CACNA1A: variants seen among roughly 807,000 people sequenced by gnomAD.
The protein encoded by CACNA1A is voltage-dependent P/Q-type calcium channel subunit alpha-1A.
In CACNA1A, 57 loss-of-function variants were observed where a neutral mutation model predicts 262.4. The ratio of observed to expected loss-of-function variants is 0.22; its 90% CI spans 0.18 to 0.27. CACNA1A has a LOEUF of 0.27. Among genes scored for constraint, CACNA1A ranks in the 10% least tolerant of loss-of-function variants. CACNA1A has a pLI of 1.00. For synonymous variants in CACNA1A, 1,431 were observed against 1,419.3 expected (o/e 1.01, Z -0.18); for missense variants, 2,526 against 3,562.8 (o/e 0.71, Z 7.41).
At chr19:13,210,336 G>T (rs1363570220) in intron 44 of CACNA1A, among the ~76,000 whole-genome samples, 1 of 152,132 alleles carries the variant, frequency 6.6e-6, no homozygotes, top group African/African-American at 2.4e-5. Flanking sequence ...TGCAGAGTGG[G>T]CCAGGCTCTT....
Position 13,214,909 on chromosome 19 carries a change from A to G in CACNA1A, c.5732-301T>C. On this transcript the variant is annotated intron_variant, in intron 38 of 46. Coordinates refer to ENST00000360228, the MANE Select transcript of CACNA1A (RefSeq NM_001127222.2). This position sits in a 1 kb window ranked among gnomAD's most constrained non-coding sequence, Gnocchi z 4.1. Reference sequence around the variant, plus strand: ...TTGTCTCCCAGTTATCGGCTGCATGACTTAGGTTACTCTACCACTTAGTAA... The same window carrying G: ...TTGTCTCCCAGTTATCGGCTGCATGGCTTAGGTTACTCTACCACTTAGTAA... 4.7e-6 allele frequency: 2 copies of G among 422,226 alleles called. No individual in the cohort carries two copies. The highest frequency in any genetic ancestry group is 8.6e-6 in the Non-Finnish European group (2 of 232,616). 26.2% of individuals were successfully genotyped at this position (422,226 alleles called of 1,614,324 possible). A position where few individuals can be genotyped will look rare whatever the true frequency, so the allele number is the denominator to read the frequency against.
chr19:13,450,121 A>G (rs141179088), intron 3 of CACNA1A, among the ~76,000 whole-genome samples: 2,661 of 139,408 alleles, frequency 0.019, 81 homozygotes, highest in African/African-American at 0.068. Flanking sequence ...AGCCTGGGTG[A>G]CAGAGGGAGA....
chr19:13,467,220 G>A (rs2061262358), intron 1 of CACNA1A, among the ~76,000 whole-genome samples: 1 of 151,976 alleles, frequency 6.6e-6, no homozygotes, highest in African/African-American at 2.4e-5. Flanking sequence ...TGGGGTAAGG[G>A]CTTTTCACCT....
chr19:13,380,104 T>C (rs1264999260), intron 3 of CACNA1A, among the ~76,000 whole-genome samples: 10 of 121,674 alleles, frequency 8.2e-5, no homozygotes, highest in Middle Eastern at 7.6e-3. Flanking sequence ...GCCAATATGG[T>C]GAAAACCCGT....
chr19:13,218,127 A>G (rs1049003995), intron 38 of CACNA1A, among the ~76,000 whole-genome samples: 9 of 151,650 alleles, frequency 5.9e-5, no homozygotes, highest in Non-Finnish European at 1.2e-4. Flanking sequence ...TTTTTGCTCT[A>G]TTGCCCAGGC....
At chr19:13,221,902 T>TTTTTAA (rs2055246270) in intron 38 of CACNA1A, among the ~76,000 whole-genome samples, 1 of 151,912 alleles carries the variant, frequency 6.6e-6, no homozygotes, top group Non-Finnish European at 1.5e-5. Context: ...TTCTCGGTAT[T>TTTTTAA]TTTTATTTTT....
At position 13,464,543 on chromosome 19, in the gene CACNA1A, A is replaced by ATTTTTTTTTTTTTTTTTTTTTTTTT. The variant is rs540418372; in HGVS notation, c.294-9332_294-9331insAAAAAAAAAAAAAAAAAAAAAAAAA. On this transcript the variant is annotated intron_variant, in intron 1 of 46. Coordinates refer to ENST00000360228, the MANE Select transcript of CACNA1A (RefSeq NM_001127222.2). ...CTGCTAATAGTAAATAACTTTTCCAATTTTTTTTTTTTTTTTTTTTTTAGA... is the reference window on the plus strand; with the variant it reads ...CTGCTAATAGTAAATAACTTTTCCAATTTTTTTTTTTTTTTTTTTTTTTTTTTTTTTTTTTTTTTTTTTTTTTAGA... Among the ~76,000 whole-genome samples, 18 of 128,952 alleles carry ATTTTTTTTTTTTTTTTTTTTTTTTT rather than the reference A, an allele frequency of 1.4e-4. 3 individuals carry two copies. Among genetic ancestry groups the ATTTTTTTTTTTTTTTTTTTTTTTTT allele is most frequent in the South Asian group, 4.8e-4 (2 of 4,164 alleles). The allele number at this position is 128,952 out of a possible 152,430, so 84.6% of individuals were successfully genotyped here.
Position 13,261,327 on chromosome 19 carries a change from T to G in CACNA1A, c.4250+123A>C, listed in dbSNP as rs993906064. 3.7e-6 allele frequency: 3 copies of G among 819,200 alleles called. No homozygotes were observed. In the African/African-American group the frequency reaches 5.2e-5, roughly 14 times the overall value. 50.7% of individuals were successfully genotyped at this position (819,200 alleles called of 1,614,324 possible). ...ACCCAAGATCCAAGCTGGTTGCAAC[T>G]GAGTCACTTCCAAGGCTCATCACTT... On this transcript the variant is annotated intron_variant, in intron 26 of 46. Transcript: ENST00000360228.
At chr19:13,389,105 G>A (rs1483028149) in intron 3 of CACNA1A, among the ~76,000 whole-genome samples, 1 of 152,140 alleles carries the variant, frequency 6.6e-6, no homozygotes, top group Non-Finnish European at 1.5e-5. Context: ...GTTTCACCAT[G>A]TTGGCCAGGC....
intron 38 of CACNA1A, among the ~76,000 whole-genome samples, chr19:13,217,660 G>A (rs1182484208): frequency 1.3e-5 from 2 of 152,164 alleles, no homozygotes; most frequent in Non-Finnish European, 2.9e-5. Flanking sequence ...TGGGGTACAA[G>A]TAACAACTGT....
At position 13,383,738 on chromosome 19, in the gene CACNA1A, CAGAG is replaced by C. The variant is rs758613383; in HGVS notation, c.540-11963_540-11960del. 6.3e-4 allele frequency among the ~76,000 whole-genome samples: 96 copies of C among 152,328 alleles called. 2 individuals are homozygous for C. The highest frequency in any genetic ancestry group is 3.1e-3 in the Admixed American group (47 of 15,292). ...GGTTGAAACTCAGATTCTGCCTTCT[CAGAG>C]AGAACATCCCTCAACTTCCTAGCTA... On this transcript the variant is annotated intron_variant, in intron 3 of 46. Transcript: ENST00000360228.
At chr19:13,336,485 C>A (rs1455908363) in intron 6 of CACNA1A, among the ~76,000 whole-genome samples, 5 of 151,156 alleles carry the variant, frequency 3.3e-5, no homozygotes, top group Non-Finnish European at 7.4e-5. Flanking sequence ...AGAATACTCT[C>A]TGAAACAGAA....
intron 21 of CACNA1A, chr19:13,283,720 GC>G (rs1244154534): frequency 9.8e-6 from 2 of 205,038 alleles, no homozygotes; most frequent in Non-Finnish European, 2.0e-5. Context: ...AGATAAAAAG[GC>G]TTTTCGATAT....
chr19:13,215,609 CG>C (rs1816873651), intron 38 of CACNA1A, among the ~76,000 whole-genome samples: 1 of 142,174 alleles, frequency 7.0e-6, no homozygotes. Flanking sequence ...CGTGAGCCAC[CG>C]CGTCTGGCCT....
intron 3 of CACNA1A, among the ~76,000 whole-genome samples, chr19:13,407,952 C>G (rs1452539006): frequency 6.7e-6 from 1 of 150,364 alleles, no homozygotes; most frequent in Admixed American, 6.6e-5. Flanking sequence ...TCTCGTGAGA[C>G]CTGGTTTTGT....
At chr19:13,333,009 AC>A in intron 8 of CACNA1A, 84 bp from the exon 9 acceptor site, 1 of 1,060,130 alleles carries the variant, frequency 9.4e-7, no homozygotes. Context: ...CTGCCCGGCC[AC>A]CCCCATTCTC....
intron 22 of CACNA1A, among the ~76,000 whole-genome samples, chr19:13,280,940 CAAAAAAAAAA>C (rs59445149): frequency 1.2e-5 from 1 of 82,382 alleles, no homozygotes; most frequent in Admixed American, 1.4e-4. Context: ...GACTCCATCT[CAAAAAAAAAA>C]AAAAAAAAAA....
intron 3 of CACNA1A, among the ~76,000 whole-genome samples, chr19:13,430,326 C>T (rs979519300): frequency 3.9e-5 from 6 of 152,086 alleles, no homozygotes; most frequent in African/African-American, 1.4e-4. Flanking sequence ...CCTGCCTCAG[C>T]CTCTCGAGTA....
intron 2 of CACNA1A, 102 bp from the exon 3 acceptor site, chr19:13,453,117 T>G: frequency 8.3e-7 from 1 of 1,209,550 alleles, no homozygotes; most frequent in East Asian, 2.3e-5. Context: ...ACCCTCTCAC[T>G]TCCCCTGACC....
Sources: gnomAD v4.1 joint callset for allele counts (sites outside exome capture counted in the v4.1 genomes callset) on GRCh38, gnomAD v4.1.1 for gene constraint, Gnocchi (gnomAD v3.1) non-coding constraint, MANE v1.5 for transcripts, NCBI Gene and HGNC (gene_info 2026-07-23, HGNC 2026-07-21) for gene names.